Variants in FOXO1 observed in about 807,000 individuals in gnomAD.
FOXO1 encodes forkhead box protein O1.
A neutral mutation model predicts 44.1 loss-of-function variants in FOXO1; 6 were observed. That is an observed-to-expected ratio of 0.14 (90% CI 0.07 to 0.27). FOXO1 has a LOEUF of 0.27. FOXO1 is among the 10% of genes least tolerant of loss of function. The probability of loss-of-function intolerance (pLI) is 1.00; values close to 1 mark genes in which losing one functional copy is unlikely to be tolerated. For missense variants in FOXO1, 737 were observed against 888.8 expected, an observed-to-expected ratio of 0.83 and a Z score of 2.17; for synonymous variants, 380 against 362.7, an observed-to-expected ratio of 1.05 and a Z score of -0.54.
At chr13:40,590,061 C>CTGTG (rs1383098162) in intron 1 of FOXO1, among the ~76,000 whole-genome samples, 1 of 152,204 alleles carries the variant, frequency 6.6e-6, no homozygotes, top group Non-Finnish European at 1.5e-5. Flanking sequence ...CTCCCTGCTG[C>CTGTG]TGTGGCCCCT....
chr13:40,570,850 A>G (rs933459130), intron 1 of FOXO1, among the ~76,000 whole-genome samples: 2 of 152,204 alleles, frequency 1.3e-5, no homozygotes, highest in Non-Finnish European at 2.9e-5. Context: ...AAACTACCCC[A>G]AAAAGACAAA....
At chr13:40,624,460 T>G (rs1876721770) in intron 1 of FOXO1, among the ~76,000 whole-genome samples, 1 of 152,150 alleles carries the variant, frequency 6.6e-6, no homozygotes, top group Non-Finnish European at 1.5e-5. Context: ...TGCTTGCCTA[T>G]CTCATCCAAT....
At chr13:40,645,445 T>C (rs1877479672) in intron 1 of FOXO1, among the ~76,000 whole-genome samples, 1 of 152,202 alleles carries the variant, frequency 6.6e-6, no homozygotes, top group Non-Finnish European at 1.5e-5. Flanking sequence ...TTAAGGTGAC[T>C]TGCATCATGT....
chr13:40,660,141 G>A (rs1229881689), intron 1 of FOXO1, among the ~76,000 whole-genome samples: 1 of 152,162 alleles, frequency 6.6e-6, no homozygotes, highest in East Asian at 1.9e-4. Context: ...CCAAGAAAAG[G>A]TGCTTGGTTA....
At chr13:40,612,507 T>G (rs9549240) in intron 1 of FOXO1, among the ~76,000 whole-genome samples, 62,376 of 152,094 alleles carry the variant, frequency 0.41, 13,993 homozygotes, top group East Asian at 0.75. Context: ...ACACGTGCGT[T>G]CGCAAGCATG....
intron 1 of FOXO1, among the ~76,000 whole-genome samples, chr13:40,567,417 TGG>T: frequency 6.6e-6 from 1 of 152,098 alleles, no homozygotes; most frequent in Non-Finnish European, 1.5e-5. Context: ...CAGGTATTAC[TGG>T]CTTCACTTTA....
At chr13:40,647,695 G>C (rs985196829) in intron 1 of FOXO1, among the ~76,000 whole-genome samples, 3 of 152,118 alleles carry the variant, frequency 2.0e-5, no homozygotes, top group African/African-American at 7.2e-5. Context: ...ATGAGCCACC[G>C]CGCCCAGCTA....
chr13:40,583,234 C>T (rs999885928), intron 1 of FOXO1, among the ~76,000 whole-genome samples: 4 of 152,168 alleles, frequency 2.6e-5, no homozygotes, highest in African/African-American at 7.2e-5. Context: ...GATGTGCTGT[C>T]GCTCAGGCTT....
At chr13:40,622,205 T>C (rs568554508) in intron 1 of FOXO1, among the ~76,000 whole-genome samples, 3 of 152,222 alleles carry the variant, frequency 2.0e-5, no homozygotes, top group African/African-American at 4.8e-5. Flanking sequence ...ACAATATGCA[T>C]GGTTTCTCAA....
intron 1 of FOXO1, 122 bp downstream of exon 1, chr13:40,665,461 C>CGCCCTCCTGGGAACGCGCT (rs1878198971): frequency 1.1e-6 from 1 of 874,360 alleles, no homozygotes; most frequent in African/African-American, 1.8e-5. Flanking sequence ...GCTTCTCGCC[C>CGCCCTCCTGGGAACGCGCT]GCCCTCCTGG....
At chr13:40,612,545 G>C (rs1806765886) in intron 1 of FOXO1, among the ~76,000 whole-genome samples, 1 of 152,188 alleles carries the variant, frequency 6.6e-6, no homozygotes, top group Non-Finnish European at 1.5e-5. Flanking sequence ...CAAAAAGAAG[G>C]CTGGCCCAAC....
chr13:40,665,462 G>T, intron 1 of FOXO1, 121 bp downstream of exon 1: 1 of 874,398 alleles, frequency 1.1e-6, no homozygotes, highest in Non-Finnish European at 1.5e-6. Flanking sequence ...CTTCTCGCCC[G>T]CCCTCCTGGG....
In FOXO1 at chr13:40,665,995, T is replaced by A; in HGVS notation, c.218A>T (p.Asn73Ile). The A allele has an allele frequency of 2.4e-6, 3 of 1,259,332 alleles. No individual in the cohort carries two copies. Among genetic ancestry groups the A allele is most frequent in the East Asian group, 3.2e-5 (1 of 31,402 alleles). 78.0% of individuals were successfully genotyped at this position (1,259,332 alleles called of 1,614,324 possible). A position where few individuals can be genotyped will look rare whatever the true frequency, so the allele number is the denominator to read the frequency against. ...AAAVSADFMSNLSLLEESEDF... is the reference protein window; with the variant it reads ...AAAVSADFMSILSLLEESEDF... ...CTCGCTCTCCTCCAGCAAGCTCAGG[T>A]TGCTCATGAAGTCGGCGCTGACAGC... is the stretch of plus-strand genomic sequence containing the variant. Residue 73 changes from asparagine to isoleucine, a missense_variant, in exon 1 of 3, where the codon AAC (asparagine) becomes ATC (isoleucine). Physicochemically the swap from Asn to Ile is moderately radical, Grantham distance 149. Around this residue, in one of 7 missense-constraint regions of FOXO1, gnomAD observed 213 missense variants for 236.4 expected, o/e 0.90. Transcript: ENST00000379561.
chr13:40,601,409 AAAAAGATAACGCATAGAAAAC>A (rs1374486146), intron 1 of FOXO1, among the ~76,000 whole-genome samples: 1 of 152,240 alleles, frequency 6.6e-6, no homozygotes, highest in Non-Finnish European at 1.5e-5. Flanking sequence ...CAGTGGCTTC[AAAAAGATAACGCATAGAAAAC>A]AAAGTGGAAG....
In FOXO1 at chr13:40,555,978, G is replaced by A. The variant is rs1037348084; in HGVS notation, c.*3071C>T. The A allele has an allele frequency of 6.6e-6, 1 of 152,478 alleles. No individual in the cohort carries two copies. The highest frequency in any genetic ancestry group is 6.5e-5 in the Admixed American group (1 of 15,286). The allele number at this position is 152,478 out of a possible 1,614,324, so 9.4% of individuals were successfully genotyped here. ...ACCCCTGGCCACACTGCCAGGCTGTGCCCACCTCAAGGAGAGGCCAACTGT... is the reference window on the plus strand; with the variant it reads ...ACCCCTGGCCACACTGCCAGGCTGTACCCACCTCAAGGAGAGGCCAACTGT... On this transcript the variant is annotated 3_prime_UTR_variant, in exon 3 of 3. Coordinates refer to ENST00000379561, the MANE Select transcript of FOXO1 (RefSeq NM_002015.4).
chr13:40,655,314 C>G (rs1877820092), intron 1 of FOXO1, among the ~76,000 whole-genome samples: 1 of 146,836 alleles, frequency 6.8e-6, no homozygotes, highest in Non-Finnish European at 1.5e-5. Context: ...TGGGCCACCG[C>G]ACTCCAGCTT....
intron 1 of FOXO1, among the ~76,000 whole-genome samples, chr13:40,630,507 T>TA (rs1338875857): frequency 6.6e-6 from 1 of 151,936 alleles, no homozygotes; most frequent in Non-Finnish European, 1.5e-5. Flanking sequence ...TACAAAAATG[T>TA]AGCCAGGTGC....
intron 1 of FOXO1, among the ~76,000 whole-genome samples, chr13:40,605,729 T>G (rs1290564542): frequency 4.6e-5 from 7 of 152,118 alleles, no homozygotes; most frequent in Non-Finnish European, 1.0e-4. Context: ...AGGTACTCCC[T>G]TTTCCACCTC....
At chr13:40,651,878 T>C (rs1208952355) in intron 1 of FOXO1, among the ~76,000 whole-genome samples, 1 of 152,096 alleles carries the variant, frequency 6.6e-6, no homozygotes, top group Non-Finnish European at 1.5e-5. Context: ...AATGTCATAA[T>C]GGGCCACTGA....
Sources: gnomAD v4.1 joint callset for allele counts (sites outside exome capture counted in the v4.1 genomes callset) on GRCh38, gnomAD v4.1.1 for gene constraint, gnomAD v4.1.1 regional missense constraint, MANE v1.5 for transcripts, NCBI Gene and HGNC (gene_info 2026-07-23, HGNC 2026-07-21) for gene names.